TSPAN5: variants seen among roughly 807,000 people sequenced by gnomAD.
The protein encoded by TSPAN5 is tetraspanin-5.
A neutral mutation model predicts 37.1 loss-of-function variants in TSPAN5; 10 were observed. The observed-to-expected ratio is 0.27, with a 90% CI of 0.17 to 0.46. TSPAN5 has a LOEUF of 0.46. Ranked by LOEUF, TSPAN5 falls within the 20% of genes least tolerant of loss-of-function variation. TSPAN5 has a pLI of 1.00. For synonymous variants in TSPAN5, 110 were observed against 118.9 expected, an observed-to-expected ratio of 0.93 and a Z score of 0.48; for missense variants, 195 against 326.6, an observed-to-expected ratio of 0.60 and a Z score of 3.11.
At chr4:98,503,815 T>TTATCTGAA (rs1753412164) in intron 2 of TSPAN5, among the ~76,000 whole-genome samples, 1 of 152,218 alleles carries the variant, frequency 6.6e-6, no homozygotes, top group African/African-American at 2.4e-5. Context: ...TCAATAAATG[T>TTATCTGAA]TATCTGAATG....
intron 1 of TSPAN5, among the ~76,000 whole-genome samples, chr4:98,526,542 C>G (rs1753968369): frequency 6.6e-6 from 1 of 152,160 alleles, no homozygotes; most frequent in South Asian, 2.1e-4. Flanking sequence ...AGTTCATGCC[C>G]TGATGGTACT....
chr4:98,563,982 T>C (rs1203683910), intron 1 of TSPAN5, among the ~76,000 whole-genome samples: 1 of 152,086 alleles, frequency 6.6e-6, no homozygotes, highest in Non-Finnish European at 1.5e-5. Context: ...AAATCTGTGC[T>C]AAATCATAAG....
At chr4:98,614,277 T>C (rs17027858) in intron 1 of TSPAN5, among the ~76,000 whole-genome samples, 2,424 of 152,296 alleles carry the variant, frequency 0.016, 76 homozygotes, top group African/African-American at 0.056. Context: ...TATTCTTTAG[T>C]CCCGTAAGTC....
chr4:98,582,411 A>G lies in TSPAN5; in HGVS notation c.82-74683T>C, dbSNP rs1171304327. On this transcript the variant is annotated intron_variant, in intron 1 of 7. Coordinates refer to ENST00000305798, the MANE Select transcript of TSPAN5 (RefSeq NM_005723.4). ...AGGTTCTGTCTAGGATTAAGTTCAC[A>G]CAAAACTGCAAGGAAAAGAAACGCC... Among the ~76,000 whole-genome samples, 18 of 152,226 alleles carry G rather than the reference A, an allele frequency of 1.2e-4. 1 individual carries two copies.
rs114637894 is a variant in TSPAN5, at chr4:98,505,659, T to C, written c.132+2019A>G. ...ATACTTGGGCAGTAACTGCTTCTCA[T>C]TGGTGACCCACCAGAATGCAAGCTC... On this transcript the variant is annotated intron_variant, in intron 2 of 7. Transcript: ENST00000305798. Among the ~76,000 whole-genome samples, 1,092 of 152,360 alleles carry C rather than the reference T, an allele frequency of 7.2e-3. 6 individuals carry two copies. The highest frequency in any genetic ancestry group is 0.014 in the Middle Eastern group (4 of 294).
At chr4:98,658,013 A>G (rs1757326326) in intron 1 of TSPAN5, 133 bp downstream of exon 1, 1 of 795,056 alleles carries the variant, frequency 1.3e-6, no homozygotes, top group East Asian at 2.5e-5. Context: ...GAAAGGCGGA[A>G]GGCGAATGCC....
rs531610752 is a variant in TSPAN5 at position 98,489,205 on chromosome 4, C to T, written c.133-2321G>A. On this transcript the variant is annotated intron_variant, in intron 2 of 7. Coordinates refer to ENST00000305798, the MANE Select transcript of TSPAN5 (RefSeq NM_005723.4). ...AAGAGGCATTTCTAATACTGAGAGA[C>T]AGGACTAGCTGGATTTCCCAGGCCG... Among the ~76,000 whole-genome samples the T allele has an allele frequency of 2.6e-5, 4 of 152,264 alleles. No individual in the cohort carries two copies. In the East Asian group the frequency reaches 7.7e-4, roughly 29 times the overall value.
chr4:98,570,745 A>C (rs530433555), intron 1 of TSPAN5, among the ~76,000 whole-genome samples: 1 of 152,130 alleles, frequency 6.6e-6, no homozygotes, highest in Non-Finnish European at 1.5e-5. Flanking sequence ...TTGAGAACCT[A>C]ATGTGACCTA....
At chr4:98,492,551 G>A (rs1229331944) in intron 2 of TSPAN5, among the ~76,000 whole-genome samples, 2 of 152,124 alleles carry the variant, frequency 1.3e-5, no homozygotes, top group Non-Finnish European at 2.9e-5. Flanking sequence ...CTCCATGCAC[G>A]TAAACGCACA....
At chr4:98,605,995 G>C (rs1425481695) in intron 1 of TSPAN5, among the ~76,000 whole-genome samples, 1 of 152,094 alleles carries the variant, frequency 6.6e-6, no homozygotes, top group Admixed American at 6.5e-5. Context: ...TCTGTCTATG[G>C]CATCTGTATG....
chr4:98,596,623 G>A (rs958529521), intron 1 of TSPAN5, among the ~76,000 whole-genome samples: 3 of 80,698 alleles, frequency 3.7e-5, no homozygotes, highest in African/African-American at 2.1e-4. Flanking sequence ...CTCTTTTAGG[G>A]CAGGCCTGGT....
intron 2 of TSPAN5, 96 bp from the exon 3 acceptor site, chr4:98,486,980 GA>G (rs1752976347): frequency 3.7e-6 from 5 of 1,342,896 alleles, no homozygotes; most frequent in Non-Finnish European, 5.1e-6. Context: ...CCCTCCCAAA[GA>G]AAACCTTCAG....
chr4:98,561,699 T>C lies in TSPAN5; in HGVS notation c.82-53971A>G, dbSNP rs372615606. 4.6e-5 allele frequency among the ~76,000 whole-genome samples: 7 copies of C among 152,344 alleles called. No individual in the cohort carries two copies. The East Asian group carries it at 1.3e-3, about 29-fold the overall frequency. On this transcript the variant is annotated intron_variant, in intron 1 of 7. Transcript: ENST00000305798. ...CATTTGAGGGACACGGATCCCAAAG[T>C]GTTTCCATGCTTGTGTGCTTTTCAT... is the stretch of plus-strand genomic sequence containing the variant.
intron 1 of TSPAN5, among the ~76,000 whole-genome samples, chr4:98,550,141 G>A (rs1578985500): frequency 2.6e-5 from 4 of 152,142 alleles, no homozygotes; most frequent in Admixed American, 1.3e-4. Context: ...TATTGAATAG[G>A]GTGTCATTTC....
At chr4:98,473,933 T>G (rs867913693) in intron 7 of TSPAN5, among the ~76,000 whole-genome samples, 2 of 152,208 alleles carry the variant, frequency 1.3e-5, no homozygotes, top group Middle Eastern at 3.2e-3. Context: ...CTGCCCATTT[T>G]TAAGTTGTTT....
At chr4:98,611,688 G>T (rs538830793) in intron 1 of TSPAN5, among the ~76,000 whole-genome samples, 5 of 152,364 alleles carry the variant, frequency 3.3e-5, no homozygotes, top group Middle Eastern at 3.4e-3. Flanking sequence ...GCCTTACCAG[G>T]TAAGAACAGG....
chr4:98,540,935 C>T (rs1326750805), intron 1 of TSPAN5, among the ~76,000 whole-genome samples: 1 of 152,172 alleles, frequency 6.6e-6, no homozygotes, highest in Non-Finnish European at 1.5e-5. Flanking sequence ...GCCAAGAAAA[C>T]TGTGGTTAAA....
chr4:98,529,519 G>T (rs10002696), intron 1 of TSPAN5, among the ~76,000 whole-genome samples: 16 of 152,204 alleles, frequency 1.1e-4, no homozygotes, highest in African/African-American at 3.9e-4. Flanking sequence ...TAAAGTTTCA[G>T]GACAACCACT....
chr4:98,610,368 C>T (rs146531812), intron 1 of TSPAN5, among the ~76,000 whole-genome samples: 2 of 152,312 alleles, frequency 1.3e-5, no homozygotes, highest in African/African-American at 4.8e-5. Context: ...GACTAAGTTT[C>T]CAATATATGC....
Sources: gnomAD v4.1 joint callset for allele counts (sites outside exome capture counted in the v4.1 genomes callset) on GRCh38, gnomAD v4.1.1 for gene constraint, MANE v1.5 for transcripts, NCBI Gene and HGNC (gene_info 2026-07-23, HGNC 2026-07-21) for gene names.